Variants in EVI5 observed in about 807,000 individuals in gnomAD.
EVI5 encodes the protein ecotropic viral integration site 5 protein homolog.
Under a neutral mutation model 112.0 loss-of-function variants are expected in EVI5, and 73 were observed. The observed-to-expected ratio is 0.65, with a 90% CI of 0.54 to 0.79. The LOEUF is 0.79. Among genes scored for constraint, EVI5 ranks in the 30% least tolerant of loss-of-function variants. EVI5 has a pLI of 0.00. For synonymous variants in EVI5, 305 were observed against 319.9 expected (o/e 0.95, Z 0.50); for missense variants, 900 against 968.8 (o/e 0.93, Z 0.94).
chr1:92,582,103 T>C (rs1364233792), intron 18 of EVI5, among the ~76,000 whole-genome samples: 10 of 152,254 alleles, frequency 6.6e-5, no homozygotes, highest in Admixed American at 5.2e-4. Context: ...ATTTAGACTA[T>C]ACAGTATAGC....
At chr1:92,776,104 T>A (rs1396686343) in intron 1 of EVI5, among the ~76,000 whole-genome samples, 1 of 140,248 alleles carries the variant, frequency 7.1e-6, no homozygotes, top group Admixed American at 7.3e-5. Context: ...CAAGACTCCA[T>A]CTCAAAAAAA....
chr1:92,689,486 T>C (rs181976025), intron 9 of EVI5, among the ~76,000 whole-genome samples: 1 of 152,188 alleles, frequency 6.6e-6, no homozygotes, highest in African/African-American at 2.4e-5. Context: ...CCTTGGCTTC[T>C]TGAGTAGCTG....
chr1:92,753,518 G>A (rs1680501755), intron 1 of EVI5, among the ~76,000 whole-genome samples: 1 of 152,060 alleles, frequency 6.6e-6, no homozygotes, highest in Admixed American at 6.5e-5. Flanking sequence ...CAATAGATAA[G>A]GAATATGAAG....
At position 92,655,064 on chromosome 1, in the gene EVI5, A is replaced by C. The variant is rs1419587153; in HGVS notation, c.1392+7655T>G. Among the ~76,000 whole-genome samples the C allele has an allele frequency of 3.3e-5, 5 of 152,200 alleles. No individual in the cohort carries two copies. In the South Asian group the frequency reaches 1.0e-3, roughly 32 times the overall value. On this transcript the variant is annotated intron_variant, in intron 13 of 19. Coordinates refer to ENST00000684568, the MANE Select transcript of EVI5 (RefSeq NM_001350197.2). ...GTTTGGAAAACCTATCTGAGGAAGTAATTGAGGAAAACTCCCTACTCTTGC... is the reference window on the plus strand; with the variant it reads ...GTTTGGAAAACCTATCTGAGGAAGTCATTGAGGAAAACTCCCTACTCTTGC...
chr1:92,602,813 A>G (rs1537499), intron 18 of EVI5, among the ~76,000 whole-genome samples: 255 of 152,310 alleles, frequency 1.7e-3, no homozygotes, highest in Admixed American at 2.9e-3. Flanking sequence ...CACAGTCAAC[A>G]CCACCAAAAA....
chr1:92,578,864 T>C (rs570611216), intron 18 of EVI5, among the ~76,000 whole-genome samples: 23 of 152,270 alleles, frequency 1.5e-4, no homozygotes, highest in African/African-American at 5.5e-4. Context: ...GGCTCCAATA[T>C]AAACCATGGT....
intron 1 of EVI5, among the ~76,000 whole-genome samples, chr1:92,739,210 T>G (rs1468376559): frequency 1.5e-5 from 2 of 130,830 alleles, no homozygotes; most frequent in African/African-American, 5.8e-5. Context: ...GAGGCAGAGG[T>G]TGCAATGCAC....
chr1:92,763,382 G>A (rs891651759), intron 1 of EVI5, among the ~76,000 whole-genome samples: 5 of 151,500 alleles, frequency 3.3e-5, no homozygotes, highest in Admixed American at 2.6e-4. Flanking sequence ...CAGAAACATC[G>A]GAAATTTTCC....
chr1:92,675,962 A>G (rs1357328877), intron 10 of EVI5, among the ~76,000 whole-genome samples: 4 of 151,712 alleles, frequency 2.6e-5, no homozygotes, highest in Non-Finnish European at 4.4e-5. Context: ...TCTCAAAAAA[A>G]AAAAAAAAGA....
At chr1:92,691,898 G>C (rs925550127) in intron 9 of EVI5, among the ~76,000 whole-genome samples, 1 of 152,180 alleles carries the variant, frequency 6.6e-6, no homozygotes, top group Non-Finnish European at 1.5e-5. Flanking sequence ...TAGCAAAAAG[G>C]GGATGGGAGT....
In EVI5 at chr1:92,666,011, T is replaced by C; in HGVS notation, c.1159-19A>G. On this transcript the variant is annotated intron_variant, in intron 10 of 19. Coordinates refer to ENST00000684568, the MANE Select transcript of EVI5 (RefSeq NM_001350197.2). ...GTAACCTCTGCCAAGAAAAAAAAAGTTTTATTTGCAAGCATTTTTGAGAGG... is the reference window on the plus strand; with the variant it reads ...GTAACCTCTGCCAAGAAAAAAAAAGCTTTATTTGCAAGCATTTTTGAGAGG... The C allele has an allele frequency of 6.4e-7, 1 of 1,559,512 alleles. No homozygotes were observed.
chr1:92,610,581 C>G (rs1251684581), intron 16 of EVI5, among the ~76,000 whole-genome samples: 1 of 151,840 alleles, frequency 6.6e-6, no homozygotes, highest in East Asian at 1.9e-4. Context: ...AAAACATAAG[C>G]AAAGAACAAG....
rs771448947 is a variant in EVI5, at chr1:92,694,398, CAAATT to C, written c.910-15_910-11del. 2 of 1,505,490 alleles carry C rather than the reference CAAATT, an allele frequency of 1.3e-6. No individual in the cohort carries two copies. Among genetic ancestry groups the C allele is most frequent in the Non-Finnish European group, 1.8e-6 (2 of 1,098,644 alleles). The allele number at this position is 1,505,490 out of a possible 1,614,324, so 93.3% of individuals were successfully genotyped here. A position where few individuals can be genotyped will look rare whatever the true frequency, so the allele number is the denominator to read the frequency against. ...ACACTATTTCTAAACCCTGAGGAAA[CAAATT>C]AAATAAATCCAAATTTATGTTACTC... On this transcript the variant is annotated splice_polypyrimidine_tract_variant and intron_variant, in intron 7 of 19. Transcript: ENST00000684568.
intron 13 of EVI5, among the ~76,000 whole-genome samples, chr1:92,656,659 G>A (rs1370297647): frequency 6.6e-6 from 1 of 151,754 alleles, no homozygotes; most frequent in Non-Finnish European, 1.5e-5. Context: ...ACCAAGAAAA[G>A]AGAGAAGACC....
At chr1:92,609,964 T>C (rs1403848456) in intron 16 of EVI5, among the ~76,000 whole-genome samples, 1 of 152,052 alleles carries the variant, frequency 6.6e-6, no homozygotes, top group East Asian at 1.9e-4. Context: ...AGCTTACTTG[T>C]AGCCTCAATC....
intron 9 of EVI5, among the ~76,000 whole-genome samples, chr1:92,687,358 T>C (rs1400050208): frequency 6.6e-6 from 1 of 151,882 alleles, no homozygotes; most frequent in Admixed American, 6.5e-5. Context: ...TGAAACTGGA[T>C]CCCTTCCTCA....
chr1:92,704,639 G>T lies in EVI5; in HGVS notation c.255C>A (p.His85Gln), dbSNP rs546091746. 3.7e-6 allele frequency: 6 copies of T among 1,604,428 alleles called. No individual in the cohort carries two copies. In the African/African-American group the frequency reaches 4.0e-5, roughly 11 times the overall value. The change falls in exon 3 of 20, where the codon CAC (histidine) becomes CAA (glutamine). Residue 85 changes from histidine to glutamine, a missense_variant. Transcript: ENST00000684568. ...AAAGAATCCAAGAATCTTCTTCAAG[G>T]TGACTGAGGTTGCTAGAGGCTGATG... ...SSSSASSNLS[H>Q]LEEDSWILWG...
In EVI5 at chr1:92,680,209, CA is replaced by C. The variant is rs557327817; in HGVS notation, c.1098-2992del. ...CTTCAGACTAAATTTCAAAGGCTTACAAAAAAGTAATCAAAGCTCTCTGGAG... is the reference window on the plus strand; with the variant it reads ...CTTCAGACTAAATTTCAAAGGCTTACAAAAAGTAATCAAAGCTCTCTGGAG... On this transcript the variant is annotated intron_variant, in intron 9 of 19. Coordinates refer to ENST00000684568, the MANE Select transcript of EVI5 (RefSeq NM_001350197.2). Among the ~76,000 whole-genome samples, 289 of 152,172 alleles carry C rather than the reference CA, an allele frequency of 1.9e-3. 2 individuals are homozygous for C. The highest frequency in any genetic ancestry group is 0.011 in the South Asian group (54 of 4,822).
chr1:92,544,842 G>A (rs1029400898), intron 19 of EVI5, among the ~76,000 whole-genome samples: 18 of 152,164 alleles, frequency 1.2e-4, no homozygotes, highest in African/African-American at 4.3e-4. Context: ...TTGGGCACTT[G>A]CAAACCACAT....
Sources: allele counts gnomAD v4.1 joint callset (sites outside exome capture counted in the v4.1 genomes callset), GRCh38; gene constraint gnomAD v4.1.1; transcripts MANE v1.5; gene names NCBI Gene and HGNC (gene_info 2026-07-23, HGNC 2026-07-21).